NPAS3: variants seen among roughly 807,000 people sequenced by gnomAD.
NPAS3 encodes the protein neuronal PAS domain protein 3.
In NPAS3, 14 loss-of-function variants were observed where a neutral mutation model predicts 73.1. The observed-to-expected ratio is 0.19, with a 90% CI of 0.13 to 0.30. The LOEUF (loss-of-function observed/expected upper bound fraction) is 0.30, where lower values mean the gene tolerates loss of function less well. NPAS3 is among the 10% of genes least tolerant of loss of function. The pLI, the probability that NPAS3 is intolerant of heterozygous loss-of-function variation, is 1.00. For synonymous variants in NPAS3, 620 were observed against 541.5 expected (o/e 1.14, Z -2.01); for missense variants, 1,096 against 1,250.0 (o/e 0.88, Z 1.86).
chr14:33,295,387 C>G (rs1379603686), intron 3 of NPAS3, among the ~76,000 whole-genome samples: 1 of 152,154 alleles, frequency 6.6e-6, no homozygotes, highest in Non-Finnish European at 1.5e-5. Context: ...TGAAAGCCTG[C>G]CACTGTGTAC....
chr14:33,246,630 G>A (rs1319470126), intron 3 of NPAS3, among the ~76,000 whole-genome samples: 2 of 150,548 alleles, frequency 1.3e-5, no homozygotes, highest in African/African-American at 4.9e-5. Context: ...TATCTACTTT[G>A]AAGTTGGTCT....
chr14:33,284,957 T>A (rs1287604345), intron 3 of NPAS3, among the ~76,000 whole-genome samples: 1 of 152,158 alleles, frequency 6.6e-6, no homozygotes, highest in Non-Finnish European at 1.5e-5. Context: ...GCCCACGCTG[T>A]AACCACTATG....
At chr14:33,718,983 C>A (rs1449260366) in intron 6 of NPAS3, among the ~76,000 whole-genome samples, 1 of 152,032 alleles carries the variant, frequency 6.6e-6, no homozygotes, top group Non-Finnish European at 1.5e-5. Flanking sequence ...AAAAATCTAG[C>A]CAGGTGTGGT....
intron 3 of NPAS3, among the ~76,000 whole-genome samples, chr14:33,352,816 A>G (rs1208333636): frequency 6.6e-6 from 1 of 152,248 alleles, no homozygotes; most frequent in African/African-American, 2.4e-5. Context: ...TTGCAACAAT[A>G]TATAAAGCTT....
chr14:33,386,601 C>T (rs72680145), intron 4 of NPAS3, among the ~76,000 whole-genome samples: 60 of 151,774 alleles, frequency 4.0e-4, no homozygotes, highest in South Asian at 1.7e-3. Context: ...AAGAAAGATT[C>T]GTGATGTTTG....
At chr14:32,999,525 A>G (rs1202454027) in intron 1 of NPAS3, among the ~76,000 whole-genome samples, 1 of 152,160 alleles carries the variant, frequency 6.6e-6, no homozygotes, top group Non-Finnish European at 1.5e-5. Context: ...AAAAAAAATA[A>G]AAGTTATATT....
At chr14:33,334,156 C>T (rs986688742) in intron 3 of NPAS3, among the ~76,000 whole-genome samples, 1 of 152,058 alleles carries the variant, frequency 6.6e-6, no homozygotes, top group Non-Finnish European at 1.5e-5. Context: ...GTACAAACAT[C>T]CTACTGTTAT....
chr14:33,123,672 T>C (rs960759474), intron 2 of NPAS3, among the ~76,000 whole-genome samples: 1 of 151,766 alleles, frequency 6.6e-6, no homozygotes, highest in Admixed American at 6.6e-5. Context: ...AAAAACCAAG[T>C]AATGCTGGGG....
intron 4 of NPAS3, among the ~76,000 whole-genome samples, chr14:33,503,214 A>C (rs1178750894): frequency 6.6e-6 from 1 of 151,976 alleles, no homozygotes; most frequent in African/African-American, 2.4e-5. Flanking sequence ...TAACTGGAAT[A>C]TATAACAATA....
downstream of NPAS3, chr14:33,803,487 G>A (rs2063761503): frequency 6.6e-6 from 1 of 152,128 alleles, no homozygotes; most frequent in Non-Finnish European, 1.5e-5. Flanking sequence ...AGGTTTAGGA[G>A]GTGAAGAAGG....
At chr14:33,795,823 G>C (rs2063496533) in intron 10 of NPAS3, among the ~76,000 whole-genome samples, 1 of 152,118 alleles carries the variant, frequency 6.6e-6, no homozygotes, top group Admixed American at 6.5e-5. Context: ...CATGAGCTTT[G>C]GTGATTCTAT....
intron 1 of NPAS3, among the ~76,000 whole-genome samples, chr14:33,051,187 T>A (rs1304283669): frequency 6.8e-6 from 1 of 147,708 alleles, no homozygotes; most frequent in Non-Finnish European, 1.5e-5. Flanking sequence ...GGCAGGAGAA[T>A]GGCGTGAACC....
chr14:33,100,407 A>G (rs981487047), intron 2 of NPAS3, among the ~76,000 whole-genome samples: 2 of 152,198 alleles, frequency 1.3e-5, no homozygotes, highest in African/African-American at 4.8e-5. Flanking sequence ...TATGGGGATA[A>G]CTGATATCTA....
intron 6 of NPAS3, among the ~76,000 whole-genome samples, chr14:33,722,657 A>G (rs897791944): frequency 1.3e-5 from 2 of 152,138 alleles, no homozygotes; most frequent in Non-Finnish European, 2.9e-5. Flanking sequence ...CATGAGAGAA[A>G]GGAAAATTAG....
chr14:33,641,633 G>A (rs1458134119), intron 5 of NPAS3, among the ~76,000 whole-genome samples: 1 of 151,760 alleles, frequency 6.6e-6, no homozygotes, highest in East Asian at 1.9e-4. Context: ...CTGATGGAGA[G>A]CATCTAACCT....
chr14:33,281,989 G>C lies in NPAS3; in HGVS notation c.385+66563G>C, dbSNP rs182010293. Among the ~76,000 whole-genome samples, 561 of 152,194 alleles carry C rather than the reference G, an allele frequency of 3.7e-3. 3 individuals are homozygous for C. Among genetic ancestry groups the C allele is most frequent in the Non-Finnish European group, 5.9e-3 (400 of 68,002 alleles). Reference sequence around the variant, plus strand: ...AATGCTGGGTACCTCAGTCTTTTCTGTTCCATTGAAGGATAATGTTCTAAG... The same window carrying C: ...AATGCTGGGTACCTCAGTCTTTTCTCTTCCATTGAAGGATAATGTTCTAAG... On this transcript the variant is annotated intron_variant, in intron 3 of 11. Coordinates refer to ENST00000356141, the Ensembl canonical transcript of NPAS3.
intron 4 of NPAS3, among the ~76,000 whole-genome samples, chr14:33,547,319 A>AG (rs1459015235): frequency 1.8e-4 from 27 of 152,220 alleles, no homozygotes. Flanking sequence ...GGAAGGGTCA[A>AG]GGCTAGAATG....
intron 5 of NPAS3, among the ~76,000 whole-genome samples, chr14:33,589,444 C>A (rs1242051507): frequency 6.6e-6 from 1 of 152,150 alleles, no homozygotes; most frequent in Non-Finnish European, 1.5e-5. Flanking sequence ...GATTTCCATG[C>A]TGGTCAAGCA....
At chr14:33,001,153 G>A (rs1281308775) in intron 1 of NPAS3, among the ~76,000 whole-genome samples, 1 of 152,180 alleles carries the variant, frequency 6.6e-6, no homozygotes, top group East Asian at 1.9e-4. Flanking sequence ...ATGCAGGTTT[G>A]TAATAGCTAC....
Sources: gnomAD v4.1 joint callset for allele counts (sites outside exome capture counted in the v4.1 genomes callset) on GRCh38, gnomAD v4.1.1 for gene constraint, MANE v1.5 for transcripts, NCBI Gene and HGNC (gene_info 2026-07-23, HGNC 2026-07-21) for gene names.